The following PARD3 variants were observed in gnomAD, a reference collection of about 807,000 sequenced individuals.
PARD3 encodes partitioning defective 3 homolog.
Under a neutral mutation model 155.4 loss-of-function variants are expected in PARD3, and 75 were observed. The observed-to-expected ratio is 0.48, with a 90% CI of 0.40 to 0.58. PARD3 has a LOEUF of 0.58. Among genes scored for constraint, PARD3 ranks in the 20% least tolerant of loss-of-function variants. The probability of loss-of-function intolerance (pLI) is 0.00; values close to 1 mark genes in which losing one functional copy is unlikely to be tolerated. For synonymous variants in PARD3, 576 were observed against 610.5 expected (o/e 0.94, Z 0.83); for missense variants, 1,642 against 1,721.7 (o/e 0.95, Z 0.82).
At chr10:34,221,999 C>A (rs1952322634) in intron 22 of PARD3, among the ~76,000 whole-genome samples, 1 of 152,110 alleles carries the variant, frequency 6.6e-6, no homozygotes, top group East Asian at 1.9e-4. Flanking sequence ...TGAACTGTAC[C>A]CTTAAAAATG....
chr10:34,502,597 C>T (rs1405289956), intron 3 of PARD3, among the ~76,000 whole-genome samples: 1 of 152,058 alleles, frequency 6.6e-6, no homozygotes, highest in Non-Finnish European at 1.5e-5. Flanking sequence ...CACACACAGA[C>T]ACTCAGAACT....
At chr10:34,574,110 T>G (rs1459088466) in intron 2 of PARD3, among the ~76,000 whole-genome samples, 1 of 152,110 alleles carries the variant, frequency 6.6e-6, no homozygotes, top group Non-Finnish European at 1.5e-5. Flanking sequence ...TTTTTTCTAT[T>G]TACTTATTAT....
chr10:34,268,383 G>C (rs1479838254), intron 22 of PARD3, among the ~76,000 whole-genome samples: 9 of 149,564 alleles, frequency 6.0e-5, no homozygotes, highest in African/African-American at 1.5e-4. Flanking sequence ...ATTCCTCAAG[G>C]ATCTAGAACT....
intron 20 of PARD3, 69 bp from the exon 21 acceptor site, chr10:34,284,314 A>G (rs1426097207): frequency 1.4e-5 from 12 of 841,446 alleles, no homozygotes; most frequent in Non-Finnish European, 2.1e-5. Flanking sequence ...TGTGGTAATG[A>G]CATATACCCA....
At chr10:34,488,484 T>C (rs2079623738) in intron 3 of PARD3, 1 of 151,962 alleles carries the variant, frequency 6.6e-6, no homozygotes, top group African/African-American at 2.4e-5. Context: ...CAAATGAATC[T>C]TCATGGTACT....
At chr10:34,184,889 C>T (rs1487155779) in intron 22 of PARD3, among the ~76,000 whole-genome samples, 1 of 152,142 alleles carries the variant, frequency 6.6e-6, no homozygotes, top group Non-Finnish European at 1.5e-5. Context: ...TCACTGCATC[C>T]CTTGGTGGGA....
chr10:34,351,437 T>G (rs1838068837), intron 14 of PARD3, among the ~76,000 whole-genome samples: 1 of 152,186 alleles, frequency 6.6e-6, no homozygotes, highest in African/African-American at 2.4e-5. Flanking sequence ...TAAAAGACAT[T>G]TAACCTAGAT....
intron 22 of PARD3, among the ~76,000 whole-genome samples, chr10:34,132,206 C>G (rs2480016): frequency 0.32 from 47,987 of 152,066 alleles, 7,872 homozygotes; most frequent in African/African-American, 0.35. Flanking sequence ...GTGGTAGTTT[C>G]ATTTAACCAT....
In PARD3 at chr10:34,450,345, A is replaced by C. The variant is rs2076990541; in HGVS notation, c.686T>G (p.Val229Gly). ...TTCTTGTTTCTCCAGCCACTTGCCC[A>C]CCATTGGGTGACTGGCACTCAGAGA... ...RSSLSASHPM[V>G]GKWLEKQEQD... is the part of the protein sequence containing the mutation. The change falls in exon 5 of 25, where the codon GTG becomes GGG. Residue 229 changes from valine (V) to glycine (G), a missense_variant. Val to Gly is a moderately radical substitution (Grantham distance 109, BLOSUM62 -3). Coordinates refer to ENST00000374788, the MANE Select transcript of PARD3 (RefSeq NM_001184785.2). 2 of 1,613,852 alleles carry C rather than the reference A, an allele frequency of 1.2e-6. No homozygotes were observed. Among genetic ancestry groups the C allele is most frequent in the Non-Finnish European group, 1.7e-6 (2 of 1,179,888 alleles).
At chr10:34,329,879 T>C (rs1234697832) in intron 19 of PARD3, among the ~76,000 whole-genome samples, 1 of 152,198 alleles carries the variant, frequency 6.6e-6, no homozygotes, top group Non-Finnish European at 1.5e-5. Context: ...TGTATAAGCA[T>C]TATACGTATA....
chr10:34,690,996 T>C (rs2094048605), intron 2 of PARD3, among the ~76,000 whole-genome samples: 1 of 152,154 alleles, frequency 6.6e-6, no homozygotes, highest in African/African-American at 2.4e-5. Context: ...GAGGAGCACT[T>C]GAGCCCACGA....
At chr10:34,766,258 G>C (rs1006581271) in intron 1 of PARD3, among the ~76,000 whole-genome samples, 1 of 152,112 alleles carries the variant, frequency 6.6e-6, no homozygotes, top group African/African-American at 2.4e-5. Flanking sequence ...TCCTGTATGG[G>C]GGACGTGGGG....
chr10:34,480,096 A>G (rs1163932764), intron 3 of PARD3, among the ~76,000 whole-genome samples: 4 of 152,222 alleles, frequency 2.6e-5, no homozygotes, highest in Non-Finnish European at 5.9e-5. Context: ...GACGGCATAG[A>G]GCCTGGACAG....
intron 7 of PARD3, among the ~76,000 whole-genome samples, chr10:34,394,928 TAAAAA>T (rs1843175568): frequency 6.8e-6 from 1 of 146,912 alleles, no homozygotes; most frequent in Non-Finnish European, 1.5e-5. Flanking sequence ...CTAGAAATAT[TAAAAA>T]AGAAAAAAAA....
chr10:34,799,777 G>A (rs1842672197), intron 1 of PARD3, among the ~76,000 whole-genome samples: 1 of 151,322 alleles, frequency 6.6e-6, no homozygotes, highest in Admixed American at 6.6e-5. Context: ...GGTCACTTGA[G>A]CCCAGGAGTT....
intron 20 of PARD3, among the ~76,000 whole-genome samples, chr10:34,314,508 T>C (rs1957886210): frequency 6.6e-6 from 1 of 152,216 alleles, no homozygotes; most frequent in South Asian, 2.1e-4. Context: ...AACCCAGCCA[T>C]GCCCAGGGGC....
chr10:34,115,110 A>G (rs1946593664), intron 24 of PARD3, among the ~76,000 whole-genome samples: 2 of 152,206 alleles, frequency 1.3e-5, no homozygotes, highest in African/African-American at 2.4e-5. Context: ...GATGAGGGGG[A>G]CACAGACAGA....
intron 22 of PARD3, among the ~76,000 whole-genome samples, chr10:34,240,838 C>T (rs368696337): frequency 6.6e-6 from 1 of 152,024 alleles, no homozygotes; most frequent in Non-Finnish European, 1.5e-5. Flanking sequence ...AGAGAAGGAC[C>T]TCGAGCAGAC....
intron 5 of PARD3, among the ~76,000 whole-genome samples, chr10:34,443,660 T>C (rs1012984465): frequency 2.6e-4 from 39 of 152,094 alleles, no homozygotes; most frequent in Admixed American, 2.1e-3. Context: ...CATGATTCAA[T>C]TACCTCCCAC....
Sources: gnomAD v4.1 joint callset for allele counts (sites outside exome capture counted in the v4.1 genomes callset) on GRCh38, gnomAD v4.1.1 for gene constraint, MANE v1.5 for transcripts, NCBI Gene and HGNC (gene_info 2026-07-23, HGNC 2026-07-21) for gene names.